The following ANK2 variants were observed in gnomAD, a reference collection of about 807,000 sequenced individuals.
The protein encoded by ANK2 is ankyrin-2.
In ANK2, 83 loss-of-function variants were observed where a neutral mutation model predicts 360.5. The ratio of observed to expected loss-of-function variants is 0.23; its 90% CI spans 0.19 to 0.28. The LOEUF is 0.28. Ranked by LOEUF, ANK2 falls within the 10% of genes least tolerant of loss-of-function variation. ANK2 has a pLI of 1.00. For synonymous variants in ANK2, 1,740 were observed against 1,759.5 expected (o/e 0.99, Z 0.28); for missense variants, 4,201 against 4,795.7 (o/e 0.88, Z 3.66).
At chr4:113,317,683 C>T (rs2083642149) in intron 24 of ANK2, 24 bp from the exon 25 acceptor site, 1 of 1,582,918 alleles carries the variant, frequency 6.3e-7, no homozygotes. Flanking sequence ...TGGTATATGC[C>T]ATGGCCTCCT....
At chr4:113,226,446 G>T (rs1203189511) in intron 4 of ANK2, among the ~76,000 whole-genome samples, 1 of 152,090 alleles carries the variant, frequency 6.6e-6, no homozygotes, top group African/African-American at 2.4e-5. Context: ...TGTGTCTTCA[G>T]TGTCTTCCAG....
rs749726394 is a variant in ANK2 at position 113,369,652 on chromosome 4, G to A, written c.11457G>A (p.Glu3819=). ...KLYLQTPTSS[E]RGGSPIIQEP... ...ACCTCCAGACCCCAACATCCAGCGA[G>A]CGGGGAGGCTCTCCCATCATACAAG... Residue 3819 remains glutamate, a synonymous_variant, in exon 43 of 46, where the codon GAG becomes GAA. Coordinates refer to ENST00000357077, the MANE Select transcript of ANK2 (RefSeq NM_001148.6). The A allele has an allele frequency of 6.2e-7, 1 of 1,614,144 alleles. No homozygotes were observed. The highest frequency in any genetic ancestry group is 1.7e-5 in the Admixed American group (1 of 60,024).
chr4:113,192,979 T>G (rs1025156337), intron 2 of ANK2, among the ~76,000 whole-genome samples: 42 of 148,892 alleles, frequency 2.8e-4, no homozygotes, highest in African/African-American at 9.9e-4. Context: ...AAAAGATCAG[T>G]GGCCAAAAAG....
intron 24 of ANK2, among the ~76,000 whole-genome samples, chr4:113,316,157 G>C (rs959021233): frequency 1.3e-5 from 2 of 152,090 alleles, no homozygotes; most frequent in African/African-American, 4.8e-5. Flanking sequence ...AATTACTAAG[G>C]CTCTGTCAAG....
rs2098583932 is a variant in ANK2 at position 113,188,388 on chromosome 4, A to C, written c.187-7980A>C. Among the ~76,000 whole-genome samples the C allele has an allele frequency of 2.0e-5, 3 of 152,294 alleles. No homozygotes were observed. The South Asian group carries it at 6.2e-4, about 32-fold the overall frequency. ...AGCATCCACTCTGCTTTCTAGATGG[A>C]AAGATCCACATATTATTAGGTTCTA... On this transcript the variant is annotated intron_variant, in intron 2 of 45. Coordinates refer to ENST00000357077, the MANE Select transcript of ANK2 (RefSeq NM_001148.6).
intron 26 of ANK2, among the ~76,000 whole-genome samples, chr4:113,327,877 C>G (rs1031727670): frequency 6.6e-6 from 1 of 152,120 alleles, no homozygotes; most frequent in African/African-American, 2.4e-5. Context: ...AGAAACGGAA[C>G]TATAGAGCAA....
chr4:113,170,493 T>C (rs940999046), intron 1 of ANK2, among the ~76,000 whole-genome samples: 1 of 152,224 alleles, frequency 6.6e-6, no homozygotes, highest in African/African-American at 2.4e-5. Context: ...TATACCGAAG[T>C]TATATGTTTA....
chr4:113,074,374 G>C (rs2079030914), intron 1 of ANK2, among the ~76,000 whole-genome samples: 1 of 152,122 alleles, frequency 6.6e-6, no homozygotes, highest in African/African-American at 2.4e-5. Flanking sequence ...TGGGCCCTCA[G>C]AAATTCTGAC....
chr4:113,298,226 A>G lies in ANK2; in HGVS notation c.2476-4541A>G, dbSNP rs1217655537. Among the ~76,000 whole-genome samples the G allele has an allele frequency of 2.0e-5, 3 of 150,216 alleles. No individual in the cohort carries two copies. The East Asian group carries it at 5.8e-4, about 29-fold the overall frequency. On this transcript the variant is annotated intron_variant, in intron 22 of 45. Transcript: ENST00000357077. Reference sequence around the variant, plus strand: ...AAAACATCTACCCTAGTTTTTCTAGAAAAAAAACAGTATTTACATAATATT... The same window carrying G: ...AAAACATCTACCCTAGTTTTTCTAGGAAAAAAACAGTATTTACATAATATT...
intron 2 of ANK2, among the ~76,000 whole-genome samples, chr4:113,011,974 T>C (rs554235802): frequency 6.6e-6 from 1 of 152,230 alleles, no homozygotes; most frequent in South Asian, 2.1e-4. Flanking sequence ...AGTTGAGGGT[T>C]ATTATTCTCA....
the ANK2 span, among the ~76,000 whole-genome samples, chr4:112,786,476 C>A: frequency 1.3e-5 from 2 of 149,836 alleles, no homozygotes. Flanking sequence ...CGGCTCACTG[C>A]AACCTCTGCC....
Position 112,824,136 on chromosome 4 carries a change from CATCTATCTATCTATCT to C in ANK2, c.-40+5904_-40+5919del, listed in dbSNP as rs35729539. Among the ~76,000 whole-genome samples, 85 of 148,062 alleles carry C rather than the reference CATCTATCTATCTATCT, an allele frequency of 5.7e-4. 1 individual carries two copies. In the East Asian group the frequency reaches 5.9e-3, roughly 10 times the overall value. On this transcript the variant is annotated intron_variant, in intron 1 of 30. Coordinates refer to the ANK2 transcript ENST00000503271. ...CCTTGGATGTGTTGTAGGTCTTCAG[CATCTATCTATCTATCT>C]ATCTATCTATCTATCTATCTATCTA... is the stretch of plus-strand genomic sequence containing the variant.
chr4:113,285,865 G>C (rs2064306996), intron 18 of ANK2, among the ~76,000 whole-genome samples: 1 of 152,202 alleles, frequency 6.6e-6, no homozygotes, highest in Non-Finnish European at 1.5e-5. Context: ...CTGGCCCTGA[G>C]GCCTAAAACG....
At chr4:112,725,759 G>C in the ANK2 span, among the ~76,000 whole-genome samples, 1 of 152,128 alleles carries the variant, frequency 6.6e-6, no homozygotes, top group Non-Finnish European at 1.5e-5. Flanking sequence ...AATAGTGGTA[G>C]CCAAGGGCTG....
intron 1 of ANK2, among the ~76,000 whole-genome samples, chr4:113,157,656 A>C (rs10516593): frequency 0.69 from 104,254 of 152,122 alleles, 36,290 homozygotes; most frequent in African/African-American, 0.8. Flanking sequence ...AGAACATGAG[A>C]GTTGAGCCAG....
At chr4:113,219,507 A>G (rs1454434249) in intron 4 of ANK2, among the ~76,000 whole-genome samples, 1 of 152,092 alleles carries the variant, frequency 6.6e-6, no homozygotes, top group Non-Finnish European at 1.5e-5. Flanking sequence ...ATACATTACA[A>G]AAAACAATGA....
At chr4:112,968,552 A>G (rs1460717989) in intron 2 of ANK2, among the ~76,000 whole-genome samples, 11 of 152,220 alleles carry the variant, frequency 7.2e-5, no homozygotes, top group African/African-American at 2.7e-4. Flanking sequence ...GGGTTTTTGC[A>G]AAGGCACATT....
the ANK2 span, among the ~76,000 whole-genome samples, chr4:112,781,461 C>T: frequency 2.2e-4 from 33 of 152,020 alleles, no homozygotes; most frequent in Admixed American, 5.9e-4. Flanking sequence ...GGTAACTAAT[C>T]GTGTTTTATA....
intron 24 of ANK2, among the ~76,000 whole-genome samples, chr4:113,313,021 T>A (rs1478680436): frequency 6.6e-6 from 1 of 152,064 alleles, no homozygotes; most frequent in Non-Finnish European, 1.5e-5. Flanking sequence ...GCAAAACTAG[T>A]CAGATTTCAT....
Sources: gnomAD v4.1 joint callset for allele counts (sites outside exome capture counted in the v4.1 genomes callset) on GRCh38, gnomAD v4.1.1 for gene constraint, MANE v1.5 for transcripts, NCBI Gene and HGNC (gene_info 2026-07-23, HGNC 2026-07-21) for gene names.